Variants in THRB observed in about 807,000 individuals in gnomAD.
The protein encoded by THRB is nuclear receptor subfamily 1 group A member 2.
Under a neutral mutation model 47.8 loss-of-function variants are expected in THRB, and 12 were observed. The ratio of observed to expected loss-of-function variants is 0.25; its 90% confidence interval spans 0.16 to 0.41. The LOEUF is 0.41. THRB is among the 10% of genes least tolerant of loss of function. THRB has a pLI of 1.00. For missense variants in THRB, 348 were observed against 589.2 expected, an observed-to-expected ratio of 0.59 and a Z score of 4.24; for synonymous variants, 218 against 212.2, an observed-to-expected ratio of 1.03 and a Z score of -0.24.
At chr3:24,451,229 C>CTTTTTTTTTTTTTTTTTTTTTTTTTTTTT (rs71057674) in intron 1 of THRB, among the ~76,000 whole-genome samples, 1 of 95,360 alleles carries the variant, frequency 1.0e-5, no homozygotes, top group Non-Finnish European at 2.0e-5. Context: ...ACTACATGTA[C>CTTTTTTTTTTTTTTTTTTTTTTTTTTTTT]TTTTTTTTTT....
chr3:24,427,855 T>C (rs937355141), intron 1 of THRB, among the ~76,000 whole-genome samples: 1 of 152,078 alleles, frequency 6.6e-6, no homozygotes, highest in African/African-American at 2.4e-5. Flanking sequence ...GTTAGTCTTA[T>C]TCTTTCTTGA....
At chr3:24,143,401 G>A (rs1158710967) in intron 8 of THRB, 100 bp downstream of exon 8, 1 of 1,175,310 alleles carries the variant, frequency 8.5e-7, no homozygotes, top group Non-Finnish European at 1.3e-6. Context: ...TCAGTAAAAT[G>A]AGGCAATAAC....
At chr3:24,419,567 G>A (rs1290120420) in intron 1 of THRB, among the ~76,000 whole-genome samples, 5 of 151,842 alleles carry the variant, frequency 3.3e-5, no homozygotes, top group Non-Finnish European at 5.9e-5. Context: ...CTTAGCCAAG[G>A]TTATCTAAAG....
intron 1 of THRB, among the ~76,000 whole-genome samples, chr3:24,369,859 GAC>G (rs2064773898): frequency 6.6e-6 from 1 of 152,110 alleles, no homozygotes; most frequent in African/African-American, 2.4e-5. Flanking sequence ...AAGGGTTAAA[GAC>G]ACAACCTGTA....
intron 1 of THRB, among the ~76,000 whole-genome samples, chr3:24,445,049 T>C (rs2071934282): frequency 6.6e-6 from 1 of 152,072 alleles, no homozygotes; most frequent in African/African-American, 2.4e-5. Flanking sequence ...AACTATAATA[T>C]GGTTCTGCTA....
At chr3:24,330,323 A>G (rs2149369770) in intron 2 of THRB, among the ~76,000 whole-genome samples, 1 of 152,346 alleles carries the variant, frequency 6.6e-6, no homozygotes, top group Non-Finnish European at 1.5e-5. Flanking sequence ...CAAATAAAAA[A>G]AAAAAGATTT....
chr3:24,314,106 C>T (rs1360575332), intron 2 of THRB, among the ~76,000 whole-genome samples: 5 of 152,196 alleles, frequency 3.3e-5, no homozygotes. Flanking sequence ...CACCTGCTGT[C>T]ATTTAACTAG....
chr3:24,420,238 C>A (rs1196676264), intron 1 of THRB, among the ~76,000 whole-genome samples: 1 of 151,864 alleles, frequency 6.6e-6, no homozygotes, highest in Non-Finnish European at 1.5e-5. Context: ...AAATATGGGG[C>A]CATTTGCTCA....
chr3:24,154,319 A>G (rs2037472203), intron 5 of THRB, among the ~76,000 whole-genome samples: 1 of 152,206 alleles, frequency 6.6e-6, no homozygotes, highest in South Asian at 2.1e-4. Flanking sequence ...TCATTCAGTC[A>G]TTTATCTATG....
rs1435217723 is a variant in THRB, at chr3:24,122,306, G to A, written c.*578C>T. ...ACGTTATAAAAATGATATTGGAAGG[G>A]CAGCTGATTTTTTTAGGACACAAAT... On this transcript the variant is annotated 3_prime_UTR_variant, in exon 11 of 11. Coordinates refer to ENST00000646209, the MANE Select transcript of THRB (RefSeq NM_001354712.2). 6.3e-6 allele frequency: 1 copy of A among 158,832 alleles called. No homozygotes were observed. Among genetic ancestry groups the A allele is most frequent in the Non-Finnish European group, 1.4e-5 (1 of 71,442 alleles). 9.8% of individuals were successfully genotyped at this position (158,832 alleles called of 1,614,324 possible). A position where few individuals can be genotyped will look rare whatever the true frequency, so the allele number is the denominator to read the frequency against.
chr3:24,484,964 C>T (rs1697072791), intron 1 of THRB, among the ~76,000 whole-genome samples: 1 of 152,178 alleles, frequency 6.6e-6, no homozygotes, highest in African/African-American at 2.4e-5. Flanking sequence ...CCACCCATTC[C>T]TGCATTCATT....
At chr3:24,149,085 G>T (rs2036523777) in intron 6 of THRB, among the ~76,000 whole-genome samples, 1 of 152,168 alleles carries the variant, frequency 6.6e-6, no homozygotes, top group Non-Finnish European at 1.5e-5. Flanking sequence ...GTCAGAGCAT[G>T]CCATGAGAGT....
intron 1 of THRB, among the ~76,000 whole-genome samples, chr3:24,374,432 T>C (rs1012340775): frequency 6.6e-6 from 1 of 152,162 alleles, no homozygotes; most frequent in Non-Finnish European, 1.5e-5. Context: ...TATTTATGTA[T>C]AAAACATTTA....
chr3:24,405,155 T>C (rs1309046939), intron 1 of THRB, among the ~76,000 whole-genome samples: 1 of 151,996 alleles, frequency 6.6e-6, no homozygotes, highest in African/African-American at 2.4e-5. Flanking sequence ...CATATATTTG[T>C]TGAGCATCCT....
At chr3:24,383,502 CATATAACA>C (rs2065860093) in intron 1 of THRB, among the ~76,000 whole-genome samples, 1 of 152,032 alleles carries the variant, frequency 6.6e-6, no homozygotes, top group Admixed American at 6.6e-5. Flanking sequence ...AAAAATAATT[CATATAACA>C]AAACTACTAC....
chr3:24,443,390 A>AG (rs2071743969), intron 1 of THRB, among the ~76,000 whole-genome samples: 1 of 152,208 alleles, frequency 6.6e-6, no homozygotes, highest in Admixed American at 6.5e-5. Flanking sequence ...AGAATTTCAG[A>AG]GAAAAAAAAA....
intron 4 of THRB, among the ~76,000 whole-genome samples, chr3:24,211,334 C>T (rs114370788): frequency 0.012 from 1,773 of 152,224 alleles, 34 homozygotes; most frequent in African/African-American, 0.04. Context: ...CAATGATTTG[C>T]ACCTGGTATT....
At position 24,259,620 on chromosome 3, in the gene THRB, C is replaced by CTTTT. The variant is rs10671187; in HGVS notation, c.-42-30623_-42-30620dup. ...CAAAGTGGGAATTAGCTCTGCTTAC[C>CTTTT]TTTTTTTTTTTTTTTTTTTTTTTAA... On this transcript the variant is annotated intron_variant, in intron 3 of 10. Coordinates refer to ENST00000646209, the MANE Select transcript of THRB (RefSeq NM_001354712.2). 7.0e-3 allele frequency among the ~76,000 whole-genome samples: 685 copies of CTTTT among 98,204 alleles called. 11 individuals are homozygous for CTTTT. The highest frequency in any genetic ancestry group is 0.014 in the African/African-American group (361 of 25,526). The allele number at this position is 98,204 out of a possible 152,430, so 64.4% of individuals were successfully genotyped here.
At chr3:24,431,532 A>C (rs1327533968) in intron 1 of THRB, among the ~76,000 whole-genome samples, 7 of 152,096 alleles carry the variant, frequency 4.6e-5, no homozygotes, top group Non-Finnish European at 1.0e-4. Context: ...CTAATGCACC[A>C]CTTCTTGGAG....
Sources: gnomAD v4.1 joint callset for allele counts (sites outside exome capture counted in the v4.1 genomes callset) on GRCh38, gnomAD v4.1.1 for gene constraint, MANE v1.5 for transcripts, NCBI Gene and HGNC (gene_info 2026-07-23, HGNC 2026-07-21) for gene names.